SUPT3H: variants seen among roughly 807,000 people sequenced by gnomAD.
The protein encoded by SUPT3H is transcription initiation protein SPT3 homolog.
SUPT3H carries 44 observed loss-of-function variants against 44.3 expected under a neutral mutation model. That is an observed-to-expected ratio of 0.99 (90% confidence interval 0.78 to 1.28). SUPT3H has a LOEUF of 1.28. SUPT3H is among the 50% of genes most tolerant of loss of function. The pLI, the probability that SUPT3H is intolerant of heterozygous loss-of-function variation, is 0.00. For missense variants in SUPT3H, 380 were observed against 387.1 expected (o/e 0.98, Z 0.15); for synonymous variants, 124 against 125.6 (o/e 0.99, Z 0.09).
chr6:45,107,769 G>A (rs1481532367), intron 2 of SUPT3H, among the ~76,000 whole-genome samples: 1 of 152,114 alleles, frequency 6.6e-6, no homozygotes, highest in Admixed American at 6.5e-5. Context: ...ACATGTACCA[G>A]GAATCAAGTC....
intron 2 of SUPT3H, among the ~76,000 whole-genome samples, chr6:45,246,414 G>A (rs1771353301): frequency 1.3e-5 from 2 of 151,986 alleles, no homozygotes; most frequent in Non-Finnish European, 2.9e-5. Flanking sequence ...CTTACATTCA[G>A]GTCTTTTATC....
chr6:45,121,951 C>T (rs1407848457), intron 2 of SUPT3H, among the ~76,000 whole-genome samples: 1 of 151,914 alleles, frequency 6.6e-6, no homozygotes, highest in Non-Finnish European at 1.5e-5. Context: ...GCTGGGATTA[C>T]AGGCGTGAGC....
intron 3 of SUPT3H, among the ~76,000 whole-genome samples, chr6:45,043,143 A>ACACACACG (rs1788821911): frequency 6.7e-4 from 1 of 1,502 alleles, no homozygotes; most frequent in Non-Finnish European, 1.4e-3. Flanking sequence ...ATACACACAT[A>ACACACACG]CACACACACA....
chr6:45,143,858 G>T lies in SUPT3H; in HGVS notation c.102-37852C>A, dbSNP rs564698917. Among the ~76,000 whole-genome samples, 3 of 152,012 alleles carry T rather than the reference G, an allele frequency of 2.0e-5. No homozygotes were observed. In the East Asian group the frequency reaches 5.8e-4, roughly 29 times the overall value. ...AATAAGCTCAATTAGAAACAAAATGGGTGATATTACAACTGATACCACAGA... is the reference window on the plus strand; with the variant it reads ...AATAAGCTCAATTAGAAACAAAATGTGTGATATTACAACTGATACCACAGA... On this transcript the variant is annotated intron_variant, in intron 2 of 10. Coordinates refer to ENST00000371459, the MANE Select transcript of SUPT3H (RefSeq NM_003599.4).
chr6:44,942,394 G>T (rs1310196350), intron 9 of SUPT3H, among the ~76,000 whole-genome samples: 1 of 152,146 alleles, frequency 6.6e-6, no homozygotes, highest in Non-Finnish European at 1.5e-5. Flanking sequence ...ATGTCAGTGG[G>T]TGGATTTCCT....
chr6:44,888,693 T>C (rs555008478), intron 10 of SUPT3H, among the ~76,000 whole-genome samples: 2 of 152,088 alleles, frequency 1.3e-5, no homozygotes, highest in Admixed American at 1.3e-4. Context: ...GCATTCCCTT[T>C]GAAAACTGGC....
chr6:44,899,992 A>G (rs1014361348), intron 10 of SUPT3H, among the ~76,000 whole-genome samples: 12 of 152,190 alleles, frequency 7.9e-5, no homozygotes, highest in African/African-American at 2.7e-4. Flanking sequence ...TATTTTTAAA[A>G]CCAAAAGGCA....
At chr6:45,013,765 T>C (rs539710708) in intron 5 of SUPT3H, among the ~76,000 whole-genome samples, 6 of 152,168 alleles carry the variant, frequency 3.9e-5, no homozygotes, top group African/African-American at 1.4e-4. Context: ...TGCCTACCTC[T>C]TGCCCCTTCT....
intron 2 of SUPT3H, among the ~76,000 whole-genome samples, chr6:45,226,817 C>A: frequency 6.6e-6 from 1 of 151,946 alleles, no homozygotes; most frequent in East Asian, 1.9e-4. Flanking sequence ...GCGTGAGCCA[C>A]TGCGCCTGGC....
chr6:44,870,840 C>A (rs531578776), intron 10 of SUPT3H, among the ~76,000 whole-genome samples: 51 of 151,580 alleles, frequency 3.4e-4, no homozygotes, highest in Admixed American at 3.3e-4. Context: ...ACCTGGGAAG[C>A]GCAAGGGGTC....
At chr6:45,277,106 G>A (rs1261294124) in intron 2 of SUPT3H, among the ~76,000 whole-genome samples, 1 of 152,014 alleles carries the variant, frequency 6.6e-6, no homozygotes, top group Non-Finnish European at 1.5e-5. Context: ...CTTGCTTTGT[G>A]ATGCTTATAC....
intron 3 of SUPT3H, among the ~76,000 whole-genome samples, chr6:45,071,965 G>A (rs1172741190): frequency 6.6e-6 from 1 of 152,150 alleles, no homozygotes; most frequent in African/African-American, 2.4e-5. Context: ...TCTCTACAGT[G>A]CCCTGTCATT....
chr6:45,090,498 C>T (rs558060784), intron 3 of SUPT3H, among the ~76,000 whole-genome samples: 1 of 152,060 alleles, frequency 6.6e-6, no homozygotes, highest in East Asian at 1.9e-4. Context: ...AATATCACCA[C>T]CTGATCTCTG....
chr6:45,020,340 A>T (rs1784943903), intron 4 of SUPT3H, among the ~76,000 whole-genome samples: 1 of 151,992 alleles, frequency 6.6e-6, no homozygotes. Context: ...CTGTTAGCAC[A>T]GTTTTTATAT....
At chr6:45,302,231 T>C (rs1202592158) in intron 2 of SUPT3H, among the ~76,000 whole-genome samples, 2 of 151,896 alleles carry the variant, frequency 1.3e-5, no homozygotes, top group Non-Finnish European at 2.9e-5. Context: ...TGAACCCAAT[T>C]TGTAGTCTTT....
chr6:45,089,849 T>G (rs759664538), intron 3 of SUPT3H, among the ~76,000 whole-genome samples: 2 of 152,076 alleles, frequency 1.3e-5, no homozygotes, highest in Non-Finnish European at 2.9e-5. Flanking sequence ...CAGGTTATTC[T>G]ATCCACTTCA....
At chr6:45,359,979 G>A (rs1046436898) in intron 2 of SUPT3H, among the ~76,000 whole-genome samples, 49 of 152,148 alleles carry the variant, frequency 3.2e-4, no homozygotes, top group Admixed American at 3.1e-3. Flanking sequence ...ACTAATAACC[G>A]AGCAATCAAC....
At chr6:45,254,749 T>C (rs1195623569) in intron 2 of SUPT3H, among the ~76,000 whole-genome samples, 1 of 152,170 alleles carries the variant, frequency 6.6e-6, no homozygotes, top group African/African-American at 2.4e-5. Flanking sequence ...TATCCAAGTT[T>C]CACTTACCCA....
intron 5 of SUPT3H, among the ~76,000 whole-genome samples, chr6:45,012,469 T>C (rs1037267296): frequency 9.2e-5 from 14 of 152,076 alleles, no homozygotes; most frequent in South Asian, 4.1e-4. Flanking sequence ...ATTTCAGTAA[T>C]TGTATTCTTG....
Sources: allele counts gnomAD v4.1 joint callset (sites outside exome capture counted in the v4.1 genomes callset), GRCh38; gene constraint gnomAD v4.1.1; transcripts MANE v1.5; gene names NCBI Gene and HGNC (gene_info 2026-07-23, HGNC 2026-07-21).